The following CSMD1 variants were observed in gnomAD, a reference collection of about 807,000 sequenced individuals.
CSMD1 encodes CUB and sushi domain-containing protein 1.
A neutral mutation model predicts 417.5 loss-of-function variants in CSMD1; 213 were observed. The observed-to-expected ratio is 0.51, with a 90% CI of 0.46 to 0.57. The LOEUF (loss-of-function observed/expected upper bound fraction) is 0.57. Ranked by LOEUF, CSMD1 falls within the 20% of genes least tolerant of loss-of-function variation. The pLI, the probability that CSMD1 is intolerant of heterozygous loss-of-function variation, is 0.00. For synonymous variants in CSMD1, 2,862 were observed against 1,736.8 expected (o/e 1.65, Z -16.11); for missense variants, 6,923 against 4,529.7 (o/e 1.53, Z -15.17).
chr8:3,535,068 C>G (rs1216556852), intron 10 of CSMD1, among the ~76,000 whole-genome samples: 1 of 152,142 alleles, frequency 6.6e-6, no homozygotes, highest in Non-Finnish European at 1.5e-5. Context: ...CTGCCTCAGC[C>G]TACTGAGTAG....
intron 7 of CSMD1, among the ~76,000 whole-genome samples, chr8:3,625,563 T>C (rs1796451812): frequency 1.3e-5 from 2 of 152,192 alleles, no homozygotes; most frequent in Non-Finnish European, 2.9e-5. Flanking sequence ...TGGTCTTAAA[T>C]CAAGCTCTCT....
intron 7 of CSMD1, among the ~76,000 whole-genome samples, chr8:3,653,327 G>A (rs1051595681): frequency 5.9e-5 from 9 of 152,162 alleles, no homozygotes; most frequent in African/African-American, 1.9e-4. Context: ...TGTTGTTGTT[G>A]TTTTGAGATT....
Position 3,387,713 on chromosome 8 carries a change from G to C in CSMD1, c.2594-31C>G, listed in dbSNP as rs942845669. On this transcript the variant is annotated intron_variant, in intron 17 of 69. Coordinates refer to ENST00000635120, the MANE Select transcript of CSMD1 (RefSeq NM_033225.6). ...TGCACAGAACGAATGCAGTCGATGA[G>C]GATCTTTCTGGTTGATTGAAAATAA... 9 of 1,541,434 alleles carry C rather than the reference G, an allele frequency of 5.8e-6. No homozygotes were observed. The Admixed American group carries it at 7.9e-5, about 13-fold the overall frequency.
At chr8:4,006,353 G>T (rs1382479371) in intron 4 of CSMD1, among the ~76,000 whole-genome samples, 1 of 152,174 alleles carries the variant, frequency 6.6e-6, no homozygotes, top group Non-Finnish European at 1.5e-5. Context: ...AGGCCAGCCT[G>T]GCCAACATGG....
intron 1 of CSMD1, among the ~76,000 whole-genome samples, chr8:4,831,953 T>A (rs1469047489): frequency 6.6e-6 from 1 of 152,238 alleles, no homozygotes; most frequent in South Asian, 2.1e-4. Flanking sequence ...AAAATTTTTG[T>A]CTGGGAGAAA....
At chr8:3,894,140 C>T (rs1031577546) in intron 5 of CSMD1, among the ~76,000 whole-genome samples, 11 of 152,122 alleles carry the variant, frequency 7.2e-5, no homozygotes, top group Admixed American at 7.2e-4. Flanking sequence ...ATTCTTTTTC[C>T]TTTGCAAAAA....
rs1803156681 is a variant in CSMD1 at position 3,286,341 on chromosome 8, C to T, written c.3951-1995G>A. On this transcript the variant is annotated intron_variant, in intron 25 of 69. Coordinates refer to ENST00000635120, the MANE Select transcript of CSMD1 (RefSeq NM_033225.6). ...ATTTATAATCCTTTGGGTATATACC[C>T]AGTAATGGGATGGCTGGGTCAAATG... is the stretch of plus-strand genomic sequence containing the variant. Among the ~76,000 whole-genome samples, 3 of 152,078 alleles carry T rather than the reference C, an allele frequency of 2.0e-5. No homozygotes were observed. In the South Asian group the frequency reaches 6.2e-4, roughly 32 times the overall value.
intron 12 of CSMD1, among the ~76,000 whole-genome samples, chr8:3,431,760 G>C (rs1442252590): frequency 2.0e-5 from 3 of 152,116 alleles, no homozygotes; most frequent in Non-Finnish European, 4.4e-5. Context: ...ACGATAACTT[G>C]TTCAATGACT....
At chr8:4,628,924 ATGG>A (rs1802333406) in intron 2 of CSMD1, among the ~76,000 whole-genome samples, 1 of 151,924 alleles carries the variant, frequency 6.6e-6, no homozygotes, top group Non-Finnish European at 1.5e-5. Flanking sequence ...TTGGAAGAAA[ATGG>A]ACACTCTGAT....
At chr8:3,768,211 T>C (rs760313623) in intron 5 of CSMD1, among the ~76,000 whole-genome samples, 1 of 152,136 alleles carries the variant, frequency 6.6e-6, no homozygotes. Flanking sequence ...GTTCCTGGCA[T>C]AGACAACCAT....
At chr8:4,301,661 C>G (rs958291317) in intron 3 of CSMD1, among the ~76,000 whole-genome samples, 4 of 152,196 alleles carry the variant, frequency 2.6e-5, no homozygotes, top group Non-Finnish European at 5.9e-5. Flanking sequence ...ACTTTCAGGC[C>G]TCTTCAATTA....
At chr8:3,609,956 C>G (rs1801810593) in intron 8 of CSMD1, among the ~76,000 whole-genome samples, 1 of 151,498 alleles carries the variant, frequency 6.6e-6, no homozygotes, top group Non-Finnish European at 1.5e-5. Context: ...CGCACACCAA[C>G]ATGCCCAGCT....
intron 1 of CSMD1, among the ~76,000 whole-genome samples, chr8:4,672,372 G>C (rs1362599142): frequency 2.0e-5 from 3 of 152,174 alleles, no homozygotes; most frequent in Non-Finnish European, 4.4e-5. Flanking sequence ...ACTGTAAAGA[G>C]ACTTAGAGCC....
chr8:4,307,328 T>A (rs184994306), intron 3 of CSMD1, among the ~76,000 whole-genome samples: 1 of 152,266 alleles, frequency 6.6e-6, no homozygotes, highest in African/African-American at 2.4e-5. Flanking sequence ...CATGTCCACA[T>A]TGAGGCTGAA....
intron 3 of CSMD1, among the ~76,000 whole-genome samples, chr8:4,064,934 A>C (rs1799168053): frequency 6.6e-6 from 1 of 152,218 alleles, no homozygotes; most frequent in South Asian, 2.1e-4. Context: ...AGGCTTAAAA[A>C]AAAAAACCTT....
chr8:2,977,870 A>G lies in CSMD1; in HGVS notation c.8566+742T>C, dbSNP rs144777235. 5.8e-3 allele frequency among the ~76,000 whole-genome samples: 880 copies of G among 152,302 alleles called. 6 individuals are homozygous for G. The highest frequency in any genetic ancestry group is 0.02 in the African/African-American group (838 of 41,558). On this transcript the variant is annotated intron_variant, in intron 55 of 69. Transcript: ENST00000635120. ...AAGGGAAATGCAAATCAAAACTACAATGAGATACCATCTCATGCCTGTCAG... is the reference window on the plus strand; with the variant it reads ...AAGGGAAATGCAAATCAAAACTACAGTGAGATACCATCTCATGCCTGTCAG...
chr8:3,790,572 AT>A (rs905234182), intron 5 of CSMD1, among the ~76,000 whole-genome samples: 13 of 151,930 alleles, frequency 8.6e-5, no homozygotes, highest in South Asian at 2.1e-4. Flanking sequence ...AACAATCATA[AT>A]TTTTTTTTAT....
At chr8:4,308,749 C>T (rs545124186) in intron 3 of CSMD1, among the ~76,000 whole-genome samples, 1 of 152,130 alleles carries the variant, frequency 6.6e-6, no homozygotes, top group African/African-American at 2.4e-5. Flanking sequence ...GTAAGACTGG[C>T]TGTTTGAGCG....
chr8:3,524,169 GCA>G (rs1797650820), intron 10 of CSMD1, among the ~76,000 whole-genome samples: 1 of 146,654 alleles, frequency 6.8e-6, no homozygotes, highest in East Asian at 2.1e-4. Context: ...CCAGAGACGT[GCA>G]CACACATGCA....
Sources: allele counts gnomAD v4.1 joint callset (sites outside exome capture counted in the v4.1 genomes callset), GRCh38; gene constraint gnomAD v4.1.1; transcripts MANE v1.5; gene names NCBI Gene and HGNC (gene_info 2026-07-23, HGNC 2026-07-21).